The following ITGAL variants were observed in gnomAD, a reference collection of about 807,000 sequenced individuals.
ITGAL encodes integrin alpha-L.
ITGAL carries 68 observed loss-of-function variants against 138.4 expected under a neutral mutation model. The ratio of observed to expected loss-of-function variants is 0.49; its 90% CI spans 0.40 to 0.60. ITGAL has a LOEUF of 0.60. Among genes scored for constraint, ITGAL ranks in the 20% least tolerant of loss-of-function variants. ITGAL has a pLI of 0.00. For synonymous variants in ITGAL, 561 were observed against 584.3 expected, an observed-to-expected ratio of 0.96 and a Z score of 0.57; for missense variants, 1,256 against 1,478.6, an observed-to-expected ratio of 0.85 and a Z score of 2.47.
chr16:30,502,746 C>G (rs1418598385), intron 17 of ITGAL, among the ~76,000 whole-genome samples: 2 of 145,732 alleles, frequency 1.4e-5, no homozygotes, highest in Admixed American at 1.4e-4. Context: ...GAAACTCCAT[C>G]TCAAAAAAAA....
Position 30,511,069 on chromosome 16 carries a change from C to T in ITGAL, c.2719C>T (p.Leu907Phe). 6.2e-7 allele frequency: 1 copy of T among 1,614,004 alleles called. No individual in the cohort carries two copies. The highest frequency in any genetic ancestry group is 8.5e-7 in the Non-Finnish European group (1 of 1,179,924). The change falls in exon 24 of 31, where the codon CTC (leucine) becomes TTC (phenylalanine). Residue 907 changes from leucine (L) to phenylalanine (F), a missense_variant. This residue lies in a region of ITGAL where 867 missense variants were observed against 972.5 expected (regional missense o/e 0.89). Transcript: ENST00000356798. ...ATGCAGTAACAATGAGGACTCAGAC[C>T]TCCTGGAGGACAACTCAGCCACTAC... ...NVTCNNEDSDLLEDNSATTII... is the reference protein window; with the variant it reads ...NVTCNNEDSDFLEDNSATTII...
At chr16:30,502,396 CAAAAAAAA>C (rs57501055) in intron 17 of ITGAL, among the ~76,000 whole-genome samples, 4 of 80,096 alleles carry the variant, frequency 5.0e-5, no homozygotes, top group African/African-American at 1.4e-4. Context: ...GACTCCATCT[CAAAAAAAA>C]AAAAAAAAAA....
At chr16:30,519,569 G>A (rs2051220713) in intron 29 of ITGAL, among the ~76,000 whole-genome samples, 1 of 152,144 alleles carries the variant, frequency 6.6e-6, no homozygotes. Context: ...GAGGAGGGAA[G>A]CTGCATCTAA....
rs2050687980 is a variant in ITGAL at position 30,489,098 on chromosome 16, C to A, written c.1023C>A (p.Asp341Glu). Residue 341 changes from aspartate to glutamate, a missense_variant, in exon 10 of 31, where the codon GAC becomes GAA. Physicochemically the swap from Asp to Glu is conservative, Grantham distance 45 (BLOSUM62 2). This residue lies in a region of ITGAL where 177 missense variants were observed against 288.8 expected (regional missense o/e 0.61). Coordinates refer to ENST00000356798, the MANE Select transcript of ITGAL (RefSeq NM_002209.3). ...IYVIEGTSKQ[D>E]LTSFNMELSS... ...GTTCCCCAGGCACAAGCAAACAGGA[C>A]CTGACTTCCTTCAACATGGAGCTGT... is the stretch of plus-strand genomic sequence containing the variant. The A allele has an allele frequency of 1.2e-6, 2 of 1,613,734 alleles. No individual in the cohort carries two copies. Among genetic ancestry groups the A allele is most frequent in the Non-Finnish European group, 1.7e-6 (2 of 1,180,012 alleles).
intron 15 of ITGAL, among the ~76,000 whole-genome samples, chr16:30,497,102 C>T (rs2050811788): frequency 6.6e-6 from 1 of 152,002 alleles, no homozygotes; most frequent in Non-Finnish European, 1.5e-5. Context: ...CCCAGCACTT[C>T]GGAAGTCCGA....
At position 30,511,103 on chromosome 16, in the gene ITGAL, C is replaced by A; in HGVS notation, c.2753C>A (p.Pro918His). 6.2e-7 allele frequency: 1 copy of A among 1,613,888 alleles called. No homozygotes were observed. The highest frequency in any genetic ancestry group is 1.7e-5 in the Admixed American group (1 of 60,014). Residue 918 changes from proline (P) to histidine (H), a missense_variant, in exon 24 of 31, where the codon CCC becomes CAC. By Grantham distance (77) the Pro-to-His change is moderately conservative. Transcript: ENST00000356798. The stretch of plus-strand genomic sequence containing the variant: ...GACAACTCAGCCACTACCATCATCC[C>A]CATCCTGTACCCCATCAACATCCTC... ...LEDNSATTII[P>H]ILYPINILIQ...
chr16:30,474,274 A>G lies in ITGAL; in HGVS notation c.140A>G (p.Tyr47Cys). 6.2e-7 allele frequency: 1 copy of G among 1,608,198 alleles called. No individual in the cohort carries two copies. The highest frequency in any genetic ancestry group is 8.5e-7 in the Non-Finnish European group (1 of 1,177,328). The change falls in exon 2 of 31, where the codon TAC becomes TGC. Residue 47 changes from tyrosine (Y) to cysteine (C), a missense_variant. Around this residue, in one of 3 missense-constraint regions of ITGAL, gnomAD observed 212 missense variants for 217.4 expected, o/e 0.98. Transcript: ENST00000356798. ...CCGCGCGCCGGGAGGCACTTTGGATACCGCGTCCTGCAGGTCGGAAACGGG... is the reference window on the plus strand; with the variant it reads ...CCGCGCGCCGGGAGGCACTTTGGATGCCGCGTCCTGCAGGTCGGAAACGGG... ...SPPRAGRHFG[Y>C]RVLQVGNGVI...
intron 9 of ITGAL, among the ~76,000 whole-genome samples, chr16:30,487,142 C>CAAAAAAA (rs1165678423): frequency 4.7e-5 from 2 of 42,958 alleles, no homozygotes; most frequent in African/African-American, 9.1e-5. Context: ...GACTCCGTCT[C>CAAAAAAA]AAAAAAAAAA....
intron 24 of ITGAL, among the ~76,000 whole-genome samples, 198 bp downstream of exon 24, chr16:30,511,334 G>A (rs555155932): frequency 3.3e-4 from 50 of 152,280 alleles, no homozygotes; most frequent in African/African-American, 1.2e-3. Context: ...AAGAGCTCAG[G>A]GAAGGATTAG....
At chr16:30,490,902 G>A (rs955365432) in intron 11 of ITGAL, among the ~76,000 whole-genome samples, 2 of 150,724 alleles carry the variant, frequency 1.3e-5, no homozygotes, top group Non-Finnish European at 3.0e-5. Flanking sequence ...CCTGGGAGGC[G>A]GAAGTTACAG....
chr16:30,490,220 T>A lies in ITGAL; in HGVS notation c.1213+834T>A, dbSNP rs1317846370. Among the ~76,000 whole-genome samples, 4 of 79,044 alleles carry A rather than the reference T, an allele frequency of 5.1e-5. No individual in the cohort carries two copies. In the East Asian group the frequency reaches 1.6e-3, roughly 33 times the overall value. 51.9% of individuals were successfully genotyped at this position (79,044 alleles called of 152,430 possible). Reference sequence around the variant, plus strand: ...TCCAGCCAAGATGACAGAGCGAGACTCCGTCTTAAAAAAAAAAAAAAAAAA... The same window carrying A: ...TCCAGCCAAGATGACAGAGCGAGACACCGTCTTAAAAAAAAAAAAAAAAAA... On this transcript the variant is annotated intron_variant, in intron 11 of 30. Coordinates refer to ENST00000356798, the MANE Select transcript of ITGAL (RefSeq NM_002209.3).
chr16:30,520,808 G>T (rs2051241650), intron 30 of ITGAL, among the ~76,000 whole-genome samples: 1 of 152,172 alleles, frequency 6.6e-6, no homozygotes, highest in South Asian at 2.1e-4. Flanking sequence ...ATGAAGGCCG[G>T]GTACGGTGGC....
chr16:30,510,552 A>G (rs1450928110), intron 22 of ITGAL, 81 bp downstream of exon 22: 3 of 830,290 alleles, frequency 3.6e-6, no homozygotes, highest in Admixed American at 1.8e-5. Flanking sequence ...GGCTCAGGAG[A>G]AGGGAGCAGG....
chr16:30,497,140 G>C (rs1336648887), intron 15 of ITGAL, among the ~76,000 whole-genome samples: 1 of 151,966 alleles, frequency 6.6e-6, no homozygotes, highest in Non-Finnish European at 1.5e-5. Flanking sequence ...GTCAGGAGAT[G>C]GAGACCATCC....
In ITGAL at chr16:30,494,991, C is replaced by A; in HGVS notation, c.1503+141C>A. On this transcript the variant is annotated intron_variant, in intron 13 of 30. Coordinates refer to ENST00000356798, the MANE Select transcript of ITGAL (RefSeq NM_002209.3). The surrounding 1 kb of genome is among the most constrained non-coding windows in gnomAD (Gnocchi z 4.2). ...ACAGAGAGGCAATAGCAAATCCTCACTGGGGAAAGACTGTATGCAGGGTCC... is the reference window on the plus strand; with the variant it reads ...ACAGAGAGGCAATAGCAAATCCTCAATGGGGAAAGACTGTATGCAGGGTCC... The A allele has an allele frequency of 1.2e-6, 1 of 851,642 alleles. No individual in the cohort carries two copies. The highest frequency in any genetic ancestry group is 1.8e-6 in the Non-Finnish European group (1 of 562,718). 52.8% of individuals were successfully genotyped at this position (851,642 alleles called of 1,614,324 possible).
chr16:30,519,674 G>A, intron 29 of ITGAL, 183 bp from the exon 30 acceptor site: 5 of 618,594 alleles, frequency 8.1e-6, no homozygotes, highest in Non-Finnish European at 1.2e-5. Context: ...CCTAAGGTGT[G>A]TGTTGGCCAA....
At chr16:30,478,431 G>C (rs2050503792) in intron 4 of ITGAL, among the ~76,000 whole-genome samples, 1 of 151,814 alleles carries the variant, frequency 6.6e-6, no homozygotes, top group South Asian at 2.1e-4. Context: ...GGGCGCGGTG[G>C]CTCATGCCTG....
At chr16:30,478,697 CAAAAAAA>C (rs59193580) in intron 4 of ITGAL, among the ~76,000 whole-genome samples, 1 of 106,648 alleles carries the variant, frequency 9.4e-6, no homozygotes, top group Non-Finnish European at 1.8e-5. Context: ...GACTCCATCT[CAAAAAAA>C]AAAAAAAAAA....
intron 11 of ITGAL, among the ~76,000 whole-genome samples, chr16:30,491,995 T>C (rs981063951): frequency 2.6e-5 from 4 of 152,188 alleles, no homozygotes; most frequent in African/African-American, 4.8e-5. Flanking sequence ...CTTCCTTCCA[T>C]GTGCTGTAGG....
Sources: gnomAD v4.1 joint callset for allele counts (sites outside exome capture counted in the v4.1 genomes callset) on GRCh38, gnomAD v4.1.1 for gene constraint, gnomAD v4.1.1 regional missense constraint, Gnocchi (gnomAD v3.1) non-coding constraint, MANE v1.5 for transcripts, NCBI Gene and HGNC (gene_info 2026-07-23, HGNC 2026-07-21) for gene names.